The following ST3GAL3 variants were observed in gnomAD, a reference collection of about 807,000 sequenced individuals.
ST3GAL3 encodes ST3 beta-galactoside alpha-2,3-sialyltransferase 3.
Under a neutral mutation model 50.1 loss-of-function variants are expected in ST3GAL3, and 21 were observed. The observed-to-expected ratio is 0.42, with a 90% confidence interval of 0.30 to 0.60. The LOEUF (loss-of-function observed/expected upper bound fraction) is 0.60. Ranked by LOEUF, ST3GAL3 falls within the 20% of genes least tolerant of loss-of-function variation. The pLI is 0.19. For missense variants in ST3GAL3, 353 were observed against 489.4 expected, an observed-to-expected ratio of 0.72 and a Z score of 2.63; for synonymous variants, 183 against 190.0, an observed-to-expected ratio of 0.96 and a Z score of 0.30.
intron 2 of ST3GAL3, among the ~76,000 whole-genome samples, chr1:43,741,842 G>C (rs761268519): frequency 2.0e-5 from 3 of 152,204 alleles, no homozygotes; most frequent in Non-Finnish European, 4.4e-5. Context: ...TCAGTTTTCT[G>C]TCTGAGGACG....
At chr1:43,885,994 C>T (rs559227724) in intron 5 of ST3GAL3, among the ~76,000 whole-genome samples, 16 of 152,182 alleles carry the variant, frequency 1.1e-4, no homozygotes, top group Non-Finnish European at 2.1e-4. Flanking sequence ...TAAATTCTAG[C>T]GTTCCATGAC....
intron 3 of ST3GAL3, among the ~76,000 whole-genome samples, chr1:43,810,338 C>G (rs1467302490): frequency 6.6e-6 from 1 of 152,066 alleles, no homozygotes; most frequent in Non-Finnish European, 1.5e-5. Context: ...TGGAGAGCCT[C>G]AAGAAAAGCC....
chr1:43,835,408 A>T (rs1319833536), intron 4 of ST3GAL3, among the ~76,000 whole-genome samples: 1 of 152,140 alleles, frequency 6.6e-6, no homozygotes, highest in African/African-American at 2.4e-5. Flanking sequence ...TAATTTGGTA[A>T]TAACTTGACA....
chr1:43,795,581 A>G (rs1402368371), intron 3 of ST3GAL3, among the ~76,000 whole-genome samples: 2 of 152,198 alleles, frequency 1.3e-5, no homozygotes, highest in African/African-American at 4.8e-5. Flanking sequence ...TTTGGAGAGA[A>G]TTTACAAAGC....
chr1:43,754,446 C>T (rs1687308981), intron 2 of ST3GAL3, among the ~76,000 whole-genome samples: 1 of 152,158 alleles, frequency 6.6e-6, no homozygotes, highest in Non-Finnish European at 1.5e-5. Context: ...CCCACCTCAG[C>T]CTCCCAAAGT....
chr1:43,869,446 G>C (rs564411682), intron 5 of ST3GAL3, among the ~76,000 whole-genome samples: 2 of 152,058 alleles, frequency 1.3e-5, no homozygotes, highest in Non-Finnish European at 2.9e-5. Flanking sequence ...TCCATCTTAC[G>C]ACTTTTCCCC....
At chr1:43,722,663 T>C (rs1671041472) in intron 1 of ST3GAL3, among the ~76,000 whole-genome samples, 1 of 152,156 alleles carries the variant, frequency 6.6e-6, no homozygotes, top group Admixed American at 6.5e-5. Context: ...GGGATAAAAT[T>C]TGTAGGACTT....
chr1:43,794,369 A>G (rs2058451688), intron 3 of ST3GAL3, among the ~76,000 whole-genome samples: 1 of 152,240 alleles, frequency 6.6e-6, no homozygotes, highest in Non-Finnish European at 1.5e-5. Flanking sequence ...AGATATCAAT[A>G]CACATCTACC....
chr1:43,760,060 A>G (rs1689699560), intron 2 of ST3GAL3, among the ~76,000 whole-genome samples: 1 of 152,216 alleles, frequency 6.6e-6, no homozygotes, highest in South Asian at 2.1e-4. Context: ...GATTGTTTGT[A>G]CTACAAGCTG....
intron 4 of ST3GAL3, among the ~76,000 whole-genome samples, chr1:43,819,804 T>C (rs2061857056): frequency 6.6e-6 from 1 of 152,234 alleles, no homozygotes; most frequent in African/African-American, 2.4e-5. Context: ...ACCCAGTATC[T>C]GTTCTTATTT....
At chr1:43,900,707 T>G (rs2078152833) in intron 9 of ST3GAL3, 1 of 152,296 alleles carries the variant, frequency 6.6e-6, no homozygotes, top group Admixed American at 6.5e-5. Flanking sequence ...AACAGCTTCC[T>G]TTGCCTTTAG....
At chr1:43,828,197 T>A (rs1274718083) in intron 4 of ST3GAL3, among the ~76,000 whole-genome samples, 2 of 152,210 alleles carry the variant, frequency 1.3e-5, no homozygotes, top group African/African-American at 4.8e-5. Flanking sequence ...TAATTAGATA[T>A]CTGTATGTAC....
chr1:43,879,293 T>C (rs763883583), intron 5 of ST3GAL3: 2 of 456,046 alleles, frequency 4.4e-6, no homozygotes, highest in Admixed American at 4.7e-5. Flanking sequence ...GACGTGAGCA[T>C]TGGGCCCTTT....
At chr1:43,760,899 A>G (rs1372175555) in intron 2 of ST3GAL3, among the ~76,000 whole-genome samples, 2 of 152,272 alleles carry the variant, frequency 1.3e-5, no homozygotes, top group Non-Finnish European at 2.9e-5. Flanking sequence ...ATAAAGAGGA[A>G]TGAGATACTG....
chr1:43,711,429 T>C (rs1664714349), intron 1 of ST3GAL3, among the ~76,000 whole-genome samples: 1 of 152,228 alleles, frequency 6.6e-6, no homozygotes, highest in South Asian at 2.1e-4. Context: ...ATGCCTAACT[T>C]TAAAGAAGGT....
At chr1:43,781,643 G>A (rs982988246) in intron 2 of ST3GAL3, among the ~76,000 whole-genome samples, 1 of 152,060 alleles carries the variant, frequency 6.6e-6, no homozygotes, top group African/African-American at 2.4e-5. Context: ...TGTTTAAAGG[G>A]TTGCTAAGCA....
intron 3 of ST3GAL3, among the ~76,000 whole-genome samples, chr1:43,793,421 A>G (rs1208864106): frequency 1.3e-5 from 2 of 152,196 alleles, no homozygotes; most frequent in Non-Finnish European, 2.9e-5. Flanking sequence ...TACACAATAA[A>G]TTTTTGTTGA....
chr1:43,721,704 C>T (rs1185859692), intron 1 of ST3GAL3, among the ~76,000 whole-genome samples: 4 of 152,046 alleles, frequency 2.6e-5, no homozygotes, highest in African/African-American at 9.7e-5. Flanking sequence ...TGGGTTCAAG[C>T]GATTCTCCTG....
At chr1:43,882,440 T>G (rs16831347) in intron 5 of ST3GAL3, among the ~76,000 whole-genome samples, 7,722 of 152,216 alleles carry the variant, frequency 0.051, 638 homozygotes, top group African/African-American at 0.18. Context: ...CAGTTGCAGT[T>G]GGTAATATCC....
Sources: gnomAD v4.1 joint callset for allele counts (sites outside exome capture counted in the v4.1 genomes callset) on GRCh38, gnomAD v4.1.1 for gene constraint, MANE v1.5 for transcripts, NCBI Gene and HGNC (gene_info 2026-07-23, HGNC 2026-07-21) for gene names.